Variants in PCGF2 observed in about 807,000 individuals in gnomAD.
PCGF2 encodes polycomb group ring finger 2.
A neutral mutation model predicts 36.1 loss-of-function variants in PCGF2; 8 were observed. The ratio of observed to expected loss-of-function variants is 0.22; its 90% CI spans 0.13 to 0.40. The LOEUF (loss-of-function observed/expected upper bound fraction) is 0.40. Ranked by LOEUF, PCGF2 falls within the 10% of genes least tolerant of loss-of-function variation. PCGF2 has a pLI of 1.00. For missense variants in PCGF2, 436 were observed against 475.9 expected, an observed-to-expected ratio of 0.92 and a Z score of 0.78; for synonymous variants, 198 against 191.2, an observed-to-expected ratio of 1.04 and a Z score of -0.29.
intron 2 of PCGF2, among the ~76,000 whole-genome samples, chr17:38,741,219 C>A (rs936184906): frequency 6.6e-6 from 1 of 151,166 alleles, no homozygotes; most frequent in Non-Finnish European, 1.5e-5. Context: ...TACAGTGAGC[C>A]GTGATTATGC....
upstream of PCGF2, chr17:38,749,548 A>T (rs1230135832): frequency 2.3e-6 from 1 of 438,348 alleles, no homozygotes; most frequent in Admixed American, 2.4e-5. The surrounding 1 kb of genome is among the most constrained non-coding windows in gnomAD (Gnocchi z 6.5). Context: ...TTTATTAGGG[A>T]TGGCGGCCGC....
At chr17:38,745,781 G>T (rs953858816) in intron 2 of PCGF2, among the ~76,000 whole-genome samples, 1 of 152,154 alleles carries the variant, frequency 6.6e-6, no homozygotes. Flanking sequence ...GTGGGCCGCC[G>T]TCTGGGAGGG....
chr17:38,736,713 A>G (rs917060444), intron 9 of PCGF2, among the ~76,000 whole-genome samples: 2 of 152,162 alleles, frequency 1.3e-5, no homozygotes, highest in Non-Finnish European at 2.9e-5. Flanking sequence ...GGGTGTCTGT[A>G]GTCCCAGCTA....
At chr17:38,748,798 G>A (rs990651241), upstream of PCGF2, among the ~76,000 whole-genome samples, 22 of 152,142 alleles carry the variant, frequency 1.4e-4, no homozygotes, top group African/African-American at 5.3e-4. Context: ...GGCGGGGGAC[G>A]CGACGCCTTC....
upstream of PCGF2, chr17:38,748,355 GA>G (rs1907695536): frequency 7.0e-6 from 1 of 141,978 alleles, no homozygotes; most frequent in Admixed American, 6.9e-5. Flanking sequence ...GTGGGAGGGA[GA>G]GGGGAGGGGA....
intron 7 of PCGF2, 27 bp downstream of exon 7, chr17:38,738,725 AG>A: frequency 6.3e-7 from 1 of 1,596,248 alleles, no homozygotes; most frequent in Non-Finnish European, 8.6e-7. Context: ...CTAGGAACCC[AG>A]AAGGGGCCAG....
At chr17:38,746,044 A>C (rs935141401) in intron 2 of PCGF2, among the ~76,000 whole-genome samples, 1 of 151,986 alleles carries the variant, frequency 6.6e-6, no homozygotes, top group African/African-American at 2.4e-5. Flanking sequence ...CTGCCTAGGG[A>C]CACTGTGAAC....
chr17:38,745,183 T>C (rs1424002522), intron 2 of PCGF2, among the ~76,000 whole-genome samples: 1 of 152,096 alleles, frequency 6.6e-6, no homozygotes, highest in Non-Finnish European at 1.5e-5. Context: ...ATACAAAACA[T>C]TAGTTGGGTG....
Position 38,735,237 on chromosome 17 carries a change from G to T in PCGF2, c.1021C>A (p.Pro341Thr), listed in dbSNP as rs1208938665. The T allele has an allele frequency of 5.6e-6, 8 of 1,441,154 alleles. No individual in the cohort carries two copies. Among genetic ancestry groups the T allele is most frequent in the African/African-American group, 1.4e-5 (1 of 70,322 alleles). The allele number at this position is 1,441,154 out of a possible 1,614,324, so 89.3% of individuals were successfully genotyped here. ...RKMTVNGAPV[P>T]PLT ...GGTCCCTGGCCTCAAGTTAAGGGGG[G>T]CACGGGAGCGCCGTTGACAGTCATC... is the stretch of plus-strand genomic sequence containing the variant. Residue 341 changes from proline (P) to threonine (T), a missense_variant, in exon 11 of 11, where the codon CCC (proline) becomes ACC (threonine). By Grantham distance (38) the Pro-to-Thr change is conservative. Around this residue, in one of 3 missense-constraint regions of PCGF2, gnomAD observed 227 missense variants for 212.9 expected, o/e 1.07. Coordinates refer to ENST00000620225, the MANE Select transcript of PCGF2 (RefSeq NM_007144.3).
intron 9 of PCGF2, among the ~76,000 whole-genome samples, chr17:38,736,936 C>T (rs1463722196): frequency 6.6e-6 from 1 of 151,782 alleles, no homozygotes; most frequent in African/African-American, 2.4e-5. Flanking sequence ...AATTCAAGAC[C>T]AGCCAAACCA....
At position 38,739,634 on chromosome 17, in the gene PCGF2, G is replaced by A; in HGVS notation, c.161C>T (p.Pro54Leu). 6.2e-7 allele frequency: 1 copy of A among 1,614,012 alleles called. No individual in the cohort carries two copies. Among genetic ancestry groups the A allele is most frequent in the South Asian group, 1.1e-5 (1 of 91,078 alleles). The change falls in exon 4 of 11, where the codon CCC becomes CTC. Residue 54 changes from proline (P) to leucine (L), a missense_variant. Physicochemically the swap from Pro to Leu is moderately conservative, Grantham distance 98. This residue lies in a region of PCGF2 where 189 missense variants were observed against 219.3 expected (regional missense o/e 0.86). Transcript: ENST00000620225. The surrounding 1 kb of genome is among the most constrained non-coding windows in gnomAD (Gnocchi z 4.0). ...VRYLETNKYC[P>L]MCDVQVHKTR... ...TTTATGGACCTGCACGTCACACATG[G>A]GGCAGTATTTGTTGGTCTCCAGGTA...
In PCGF2 at chr17:38,739,659, A is replaced by G; in HGVS notation, c.136T>C (p.Tyr46His). The change falls in exon 4 of 11, where the codon TAC (tyrosine) becomes CAC (histidine). Residue 46 changes from tyrosine (Y) to histidine (H), a missense_variant. Coordinates refer to ENST00000620225, the MANE Select transcript of PCGF2 (RefSeq NM_007144.3). The surrounding 1 kb of genome is among the most constrained non-coding windows in gnomAD (Gnocchi z 4.0). ...HSFCKTCIVR[Y>H]LETNKYCPMC... The stretch of plus-strand genomic sequence containing the variant: ...GGGCAGTATTTGTTGGTCTCCAGGT[A>G]GCGCACGATGCAGGTTTTGCAGACT... The G allele has an allele frequency of 1.2e-6, 2 of 1,614,078 alleles. No individual in the cohort carries two copies. Among genetic ancestry groups the G allele is most frequent in the East Asian group, 2.2e-5 (1 of 44,884 alleles).
chr17:38,744,449 G>A (rs544755134), intron 2 of PCGF2, among the ~76,000 whole-genome samples: 1 of 152,130 alleles, frequency 6.6e-6, no homozygotes, highest in African/African-American at 2.4e-5. Flanking sequence ...TCCGCCTCCT[G>A]GATTGAAGCG....
chr17:38,739,115 T>A lies in PCGF2; in HGVS notation c.269A>T (p.Glu90Val). 1 of 1,614,024 alleles carries A rather than the reference T, an allele frequency of 6.2e-7. No homozygotes were observed. Among genetic ancestry groups the A allele is most frequent in the Non-Finnish European group, 8.5e-7 (1 of 1,180,032 alleles). The change falls in exon 6 of 11, where the codon GAG (glutamate) becomes GTG (valine). Residue 90 changes from glutamate (E) to valine (V), a missense_variant. Physicochemically the swap from Glu to Val is moderately radical, Grantham distance 121. Transcript: ENST00000620225. The surrounding 1 kb of genome is among the most constrained non-coding windows in gnomAD (Gnocchi z 4.0). Reference protein sequence around the residue: ...YKLVPGLFKDEMKRRRDFYAA... With the variant: ...YKLVPGLFKDVMKRRRDFYAA... The stretch of plus-strand genomic sequence containing the variant: ...ATAGAAATCCCGCCGCCGTTTCATC[T>A]CATCTGGAAGAAGGCAGCAGGATGA...
Position 38,739,279 on chromosome 17 carries a change from C to A in PCGF2, c.210-26G>T. ...CTGGGGAAAAATGGACAGGGCTTAT[C>A]AGCAATGCCTTCTCCAGAGCGCTCC... On this transcript the variant is annotated intron_variant, in intron 4 of 10. Coordinates refer to ENST00000620225, the MANE Select transcript of PCGF2 (RefSeq NM_007144.3). The surrounding 1 kb of genome is among the most constrained non-coding windows in gnomAD (Gnocchi z 4.0). The A allele has an allele frequency of 1.9e-6, 3 of 1,606,098 alleles. No homozygotes were observed. Among genetic ancestry groups the A allele is most frequent in the East Asian group, 4.5e-5 (2 of 44,852 alleles).
chr17:38,749,073 G>A (rs1340229507), upstream of PCGF2, among the ~76,000 whole-genome samples: 1 of 152,150 alleles, frequency 6.6e-6, no homozygotes. This position sits in a 1 kb window ranked among gnomAD's most constrained non-coding sequence, Gnocchi z 6.5. Flanking sequence ...CTGCGCCCCC[G>A]GCGTGCTCGG....
rs777012498 is a variant in PCGF2, at chr17:38,738,853, C to G, written c.325G>C (p.Gly109Arg). The G allele has an allele frequency of 1.2e-6, 2 of 1,613,404 alleles. No individual in the cohort carries two copies. Among genetic ancestry groups the G allele is most frequent in the East Asian group, 2.2e-5 (1 of 44,862 alleles). The change falls in exon 7 of 11, where the codon GGC (glycine) becomes CGC (arginine). Residue 109 changes from glycine (G) to arginine (R), a missense_variant. Around this residue, in one of 3 missense-constraint regions of PCGF2, gnomAD observed 189 missense variants for 219.3 expected, o/e 0.86. Transcript: ENST00000620225. ...ACCTCGCCGCGGTCCTCATTGGAGC[C>G]GTTGGGGACTGCAGAAGGAAAGAGC... ...AAYPLTEVPN[G>R]SNEDRGEVLE...
chr17:38,740,405 T>G lies in PCGF2; in HGVS notation c.-3A>C. 1.8e-6 allele frequency: 1 copy of G among 563,140 alleles called. No individual in the cohort carries two copies. Among genetic ancestry groups the G allele is most frequent in the Non-Finnish European group, 3.2e-6 (1 of 313,546 alleles). 34.9% of individuals were successfully genotyped at this position (563,140 alleles called of 1,614,324 possible). On this transcript the variant is annotated 5_prime_UTR_variant, in exon 3 of 11. Transcript: ENST00000620225. ...TTGATCCGTGTAGTCCGATGCATGA[T>G]TCCGGGGTCGGGGGTGGGGGGACTG...
rs770193210 is a variant in PCGF2 at position 38,735,233 on chromosome 17, G to T, written c.1025C>A (p.Pro342His). The T allele has an allele frequency of 2.3e-5, 33 of 1,428,412 alleles. No homozygotes were observed. The highest frequency in any genetic ancestry group is 3.7e-4 in the Middle Eastern group (2 of 5,402). 88.5% of individuals were successfully genotyped at this position (1,428,412 alleles called of 1,614,324 possible). ...AGAGGGTCCCTGGCCTCAAGTTAAG[G>T]GGGGCACGGGAGCGCCGTTGACAGT... ...KMTVNGAPVP[P>H]LT Residue 342 changes from proline to histidine, a missense_variant, in exon 11 of 11, where the codon CCC becomes CAC. This residue lies in a region of PCGF2 where 227 missense variants were observed against 212.9 expected (regional missense o/e 1.07). Coordinates refer to ENST00000620225, the MANE Select transcript of PCGF2 (RefSeq NM_007144.3).
Sources: gnomAD v4.1 joint callset for allele counts (sites outside exome capture counted in the v4.1 genomes callset) on GRCh38, gnomAD v4.1.1 for gene constraint, gnomAD v4.1.1 regional missense constraint, Gnocchi (gnomAD v3.1) non-coding constraint, MANE v1.5 for transcripts, NCBI Gene and HGNC (gene_info 2026-07-23, HGNC 2026-07-21) for gene names.